The following CAP2 variants were observed in gnomAD, a reference collection of about 807,000 sequenced individuals.
CAP2 encodes cyclase associated actin cytoskeleton regulatory protein 2.
In CAP2, 24 loss-of-function variants were observed where a neutral mutation model predicts 57.7. That is an observed-to-expected ratio of 0.42 (90% CI 0.30 to 0.58). The LOEUF is 0.58. CAP2 is among the 20% of genes least tolerant of loss of function. The pLI is 0.22. For synonymous variants in CAP2, 194 were observed against 207.2 expected (o/e 0.94, Z 0.55); for missense variants, 501 against 590.3 (o/e 0.85, Z 1.57).
Position 17,551,584 on chromosome 6 carries a change from A to G in CAP2, c.1330A>G (p.Ile444Val). Residue 444 changes from isoleucine (I) to valine (V), a missense_variant, in exon 12 of 13, where the codon ATC becomes GTC. By Grantham distance (29) the Ile-to-Val change is conservative. Coordinates refer to ENST00000229922, the MANE Select transcript of CAP2 (RefSeq NM_006366.3). ...SAKSSEMNIL[I>V]PQDGDYREFP... ...CAAGTCATCTGAAATGAACATACTT[A>G]TCCCTCAGGATGGTGATTATGTAAG... 6.2e-7 allele frequency: 1 copy of G among 1,608,436 alleles called. No individual in the cohort carries two copies. Among genetic ancestry groups the G allele is most frequent in the South Asian group, 1.1e-5 (1 of 90,134 alleles).
chr6:17,408,961 G>A (rs992574648), intron 1 of CAP2, among the ~76,000 whole-genome samples: 2 of 150,256 alleles, frequency 1.3e-5, no homozygotes, highest in African/African-American at 2.4e-5. Context: ...GAGCAACCAC[G>A]CTCAGCCCTA....
intron 4 of CAP2, among the ~76,000 whole-genome samples, chr6:17,492,208 C>A (rs1229911740): frequency 6.6e-6 from 1 of 152,160 alleles, no homozygotes; most frequent in Non-Finnish European, 1.5e-5. Flanking sequence ...TCTATTTTTT[C>A]TCTCTATAAA....
At chr6:17,421,222 C>T (rs1759435454) in intron 1 of CAP2, among the ~76,000 whole-genome samples, 1 of 152,010 alleles carries the variant, frequency 6.6e-6, no homozygotes, top group Non-Finnish European at 1.5e-5. Context: ...ATATAACGGA[C>T]TTTGGGGACT....
At chr6:17,471,950 A>G (rs947699989) in intron 4 of CAP2, among the ~76,000 whole-genome samples, 1 of 152,214 alleles carries the variant, frequency 6.6e-6, no homozygotes, top group Non-Finnish European at 1.5e-5. Context: ...GTAGCACCTT[A>G]GAATCTAAAC....
intron 6 of CAP2, among the ~76,000 whole-genome samples, chr6:17,510,669 A>G (rs1335287161): frequency 1.3e-5 from 2 of 152,270 alleles, no homozygotes; most frequent in Non-Finnish European, 1.5e-5. Context: ...TTCTTCTGAC[A>G]TAAAAATAAC....
intron 11 of CAP2, among the ~76,000 whole-genome samples, chr6:17,547,957 A>G (rs1763087852): frequency 6.6e-6 from 1 of 152,148 alleles, no homozygotes; most frequent in African/African-American, 2.4e-5. Flanking sequence ...GCCTTTATAT[A>G]AAACCCAAGA....
At position 17,557,313 on chromosome 6, in the gene CAP2, A is replaced by C. The variant is rs930628800; in HGVS notation, c.*871A>C. On this transcript the variant is annotated 3_prime_UTR_variant, in exon 13 of 13. Coordinates refer to ENST00000229922, the MANE Select transcript of CAP2 (RefSeq NM_006366.3). ...CTTATAGACTAATTTCCTCTTTTCC[A>C]CCTGCCAGACTTGCTAACCAAGCTC... 16 of 152,034 alleles carry C rather than the reference A, an allele frequency of 1.1e-4. No individual in the cohort carries two copies. Among genetic ancestry groups the C allele is most frequent in the African/African-American group, 3.6e-4 (15 of 41,384 alleles). The allele number at this position is 152,034 out of a possible 1,614,324, so 9.4% of individuals were successfully genotyped here.
chr6:17,451,203 G>A (rs766055323), intron 3 of CAP2, among the ~76,000 whole-genome samples: 3 of 149,166 alleles, frequency 2.0e-5, no homozygotes, highest in African/African-American at 2.5e-5. Context: ...GTACGTTCTG[G>A]ATTTTAGAGG....
At chr6:17,497,804 C>G (rs1761706191) in intron 4 of CAP2, among the ~76,000 whole-genome samples, 3 of 152,250 alleles carry the variant, frequency 2.0e-5, no homozygotes, top group Admixed American at 2.0e-4. Context: ...CACTACCAGT[C>G]AAGTATCTAT....
chr6:17,487,346 T>C (rs1761443527), intron 4 of CAP2, among the ~76,000 whole-genome samples: 1 of 152,198 alleles, frequency 6.6e-6, no homozygotes, highest in African/African-American at 2.4e-5. Flanking sequence ...TCAGTTATTC[T>C]AAACTTCCAA....
chr6:17,436,075 T>TTC (rs1759873842), intron 3 of CAP2, among the ~76,000 whole-genome samples: 1 of 119,816 alleles, frequency 8.3e-6, no homozygotes. Context: ...GAATCTTTCT[T>TTC]TCTTTCTTTC....
intron 7 of CAP2, chr6:17,531,050 A>G: frequency 4.9e-6 from 4 of 808,464 alleles, no homozygotes; most frequent in Non-Finnish European, 8.7e-6. Context: ...AGTGTTTTCC[A>G]ATGGTATAGA....
intron 3 of CAP2, among the ~76,000 whole-genome samples, chr6:17,447,474 A>T (rs559451279): frequency 6.6e-6 from 1 of 152,336 alleles, no homozygotes; most frequent in Non-Finnish European, 1.5e-5. Flanking sequence ...ACAGCTATCA[A>T]CAAACATTAC....
intron 1 of CAP2, among the ~76,000 whole-genome samples, chr6:17,409,836 A>G (rs1759092106): frequency 1.3e-5 from 2 of 151,938 alleles, no homozygotes; most frequent in South Asian, 2.1e-4. Context: ...CAAACCTCCA[A>G]CCATTTAATC....
intron 7 of CAP2, among the ~76,000 whole-genome samples, chr6:17,515,260 TG>T (rs1447211295): frequency 2.0e-5 from 3 of 151,578 alleles, no homozygotes; most frequent in Admixed American, 2.0e-4. Context: ...CAGGTGTACA[TG>T]GAAAGCTATG....
At chr6:17,489,515 G>T (rs1280741482) in intron 4 of CAP2, among the ~76,000 whole-genome samples, 1 of 152,090 alleles carries the variant, frequency 6.6e-6, no homozygotes, top group Non-Finnish European at 1.5e-5. Flanking sequence ...ACAAGCAACA[G>T]TGTTAAGTCC....
chr6:17,492,693 T>C (rs1761573340), intron 4 of CAP2, among the ~76,000 whole-genome samples: 1 of 152,214 alleles, frequency 6.6e-6, no homozygotes, highest in Admixed American at 6.5e-5. Context: ...CAGTCAAACG[T>C]TGTAGTCAGC....
At chr6:17,455,027 G>C (rs1483646620) in intron 3 of CAP2, among the ~76,000 whole-genome samples, 1 of 152,146 alleles carries the variant, frequency 6.6e-6, no homozygotes, top group African/African-American at 2.4e-5. Flanking sequence ...CAGGGCAGGA[G>C]AGCCCCCGCT....
At position 17,513,817 on chromosome 6, in the gene CAP2, T is replaced by C; in HGVS notation, c.531-32T>C. 6.9e-7 allele frequency: 1 copy of C among 1,447,614 alleles called. No individual in the cohort carries two copies. The highest frequency in any genetic ancestry group is 9.7e-7 in the Non-Finnish European group (1 of 1,028,010). The allele number at this position is 1,447,614 out of a possible 1,614,324, so 89.7% of individuals were successfully genotyped here. A position where few individuals can be genotyped will look rare whatever the true frequency, so the allele number is the denominator to read the frequency against. ...TTAAAATTTTATTTTAGATCCTAACTCTGCTTTCTTCAACCCTCTTTCACA... is the reference window on the plus strand; with the variant it reads ...TTAAAATTTTATTTTAGATCCTAACCCTGCTTTCTTCAACCCTCTTTCACA... On this transcript the variant is annotated intron_variant, in intron 6 of 12. Coordinates refer to ENST00000229922, the MANE Select transcript of CAP2 (RefSeq NM_006366.3). This position sits in a 1 kb window ranked among gnomAD's most constrained non-coding sequence, Gnocchi z 4.3.
Sources: allele counts gnomAD v4.1 joint callset (sites outside exome capture counted in the v4.1 genomes callset), GRCh38; gene constraint gnomAD v4.1.1; non-coding constraint Gnocchi (gnomAD v3.1); transcripts MANE v1.5; gene names NCBI Gene and HGNC (gene_info 2026-07-23, HGNC 2026-07-21).